Variants in RIN3 observed in about 807,000 individuals in gnomAD.
The protein encoded by RIN3 is Ras and Rab interactor 3, also known as RAB5 interacting protein 3.
In RIN3, 54 loss-of-function variants were observed where a neutral mutation model predicts 76.3. The ratio of observed to expected loss-of-function variants is 0.71; its 90% CI spans 0.57 to 0.89. The LOEUF (loss-of-function observed/expected upper bound fraction) is 0.89, where lower values mean the gene tolerates loss of function less well. Among genes scored for constraint, RIN3 ranks in the 40% least tolerant of loss-of-function variants. The pLI is 0.00. For missense variants in RIN3, 1,256 were observed against 1,322.1 expected, an observed-to-expected ratio of 0.95 and a Z score of 0.78; for synonymous variants, 576 against 564.0, an observed-to-expected ratio of 1.02 and a Z score of -0.30.
At chr14:92,641,935 A>T (rs1174944450) in intron 5 of RIN3, among the ~76,000 whole-genome samples, 2 of 152,210 alleles carry the variant, frequency 1.3e-5, no homozygotes, top group East Asian at 3.9e-4. Flanking sequence ...GGCGATGCCA[A>T]GTGCCCTACA....
At chr14:92,603,504 A>G (rs917404080) in intron 3 of RIN3, among the ~76,000 whole-genome samples, 66 of 152,168 alleles carry the variant, frequency 4.3e-4, no homozygotes, top group African/African-American at 1.5e-3. Context: ...TCTTCTCCTC[A>G]CCTGGCACTT....
chr14:92,570,659 CAA>C (rs11393617), intron 2 of RIN3, among the ~76,000 whole-genome samples: 1 of 144,906 alleles, frequency 6.9e-6, no homozygotes. Context: ...GAGACTGTCT[CAA>C]AAAAAAAAAA....
chr14:92,541,168 T>A lies in RIN3; in HGVS notation c.45-14583T>A, dbSNP rs895564995. Among the ~76,000 whole-genome samples the A allele has an allele frequency of 3.9e-5, 6 of 152,352 alleles. No individual in the cohort carries two copies. The South Asian group carries it at 6.2e-4, about 16-fold the overall frequency. ...ACAGTGTCATTTCCTTTATATCATA[T>A]CCATTCTTGTAATGGTTACAGCATT... On this transcript the variant is annotated intron_variant, in intron 1 of 9. Transcript: ENST00000216487.
intron 3 of RIN3, among the ~76,000 whole-genome samples, chr14:92,600,917 G>A (rs72697289): frequency 0.096 from 14,533 of 152,142 alleles, 1,067 homozygotes; most frequent in East Asian, 0.41. Flanking sequence ...ATCACCAAAT[G>A]TCCCCCTGGG....
rs1009950814 is a variant in RIN3 at position 92,682,320 on chromosome 14, G to A, written c.2468-2667G>A. On this transcript the variant is annotated intron_variant, in intron 8 of 9. Transcript: ENST00000216487. The stretch of plus-strand genomic sequence containing the variant: ...CCATATTGGTTGTAGAACTGGTGGA[G>A]ATGTGTGGGCCAGCTTCACCCAATG... 8.5e-5 allele frequency among the ~76,000 whole-genome samples: 13 copies of A among 152,286 alleles called. No homozygotes were observed. The East Asian group carries it at 2.5e-3, about 29-fold the overall frequency.
intron 1 of RIN3, among the ~76,000 whole-genome samples, chr14:92,518,769 A>G (rs6575264): frequency 0.17 from 24,349 of 140,620 alleles, 6,689 homozygotes; most frequent in African/African-American, 0.58. Context: ...CCACTGAGAA[A>G]CTGGGAAAAT....
At chr14:92,564,734 G>T (rs1203450097) in intron 2 of RIN3, among the ~76,000 whole-genome samples, 1 of 152,186 alleles carries the variant, frequency 6.6e-6, no homozygotes, top group Non-Finnish European at 1.5e-5. Context: ...CCAGCAGTTT[G>T]TACAATTGAT....
chr14:92,590,596 A>C (rs1196436398), intron 3 of RIN3, among the ~76,000 whole-genome samples: 1 of 152,218 alleles, frequency 6.6e-6, no homozygotes, highest in Non-Finnish European at 1.5e-5. Flanking sequence ...AAGCCTGCAG[A>C]ACCATGAGCC....
chr14:92,684,899 TGGA>T, intron 8 of RIN3, 85 bp from the exon 9 acceptor site: 2 of 1,397,140 alleles, frequency 1.4e-6, no homozygotes, highest in Non-Finnish European at 2.0e-6. Flanking sequence ...GGGCGGGGCT[TGGA>T]GGAGGTGGGT....
intron 3 of RIN3, among the ~76,000 whole-genome samples, chr14:92,579,194 C>T (rs969826086): frequency 1.3e-5 from 2 of 152,318 alleles, no homozygotes; most frequent in Admixed American, 1.3e-4. Context: ...TCCCTAAGTG[C>T]TGGGATTACA....
At chr14:92,529,513 G>A in intron 1 of RIN3, among the ~76,000 whole-genome samples, 1 of 152,176 alleles carries the variant, frequency 6.6e-6, no homozygotes, top group African/African-American at 2.4e-5. Flanking sequence ...CTCCCAAAGT[G>A]CTGGGATTAC....
At position 92,643,461 on chromosome 14, in the gene RIN3, C is replaced by T. The variant is rs1037016396; in HGVS notation, c.532+2132C>T. ...ATCAACTTGCTATTAAACTTTGCTT[C>T]CCAGAATGTTAGTTGTTGGGCTCCA... On this transcript the variant is annotated intron_variant, in intron 5 of 9. Coordinates refer to ENST00000216487, the MANE Select transcript of RIN3 (RefSeq NM_024832.5). The surrounding 1 kb of genome is among the most constrained non-coding windows in gnomAD (Gnocchi z 4.8). 1.5e-4 allele frequency among the ~76,000 whole-genome samples: 23 copies of T among 152,200 alleles called. No individual in the cohort carries two copies. Among genetic ancestry groups the T allele is most frequent in the African/African-American group, 5.3e-4 (22 of 41,450 alleles).
intron 1 of RIN3, among the ~76,000 whole-genome samples, chr14:92,538,568 G>A (rs8015844): frequency 0.39 from 59,192 of 151,948 alleles, 11,641 homozygotes; most frequent in Middle Eastern, 0.47. Context: ...TGCAAGTCAC[G>A]TGGCAGTGAA....
chr14:92,642,486 C>T (rs924451460), intron 5 of RIN3, among the ~76,000 whole-genome samples: 2 of 152,182 alleles, frequency 1.3e-5, no homozygotes, highest in Non-Finnish European at 2.9e-5. Context: ...CTGGGGCCGC[C>T]AGGTCACATT....
chr14:92,577,757 C>T (rs901584751), intron 3 of RIN3, among the ~76,000 whole-genome samples: 5 of 152,162 alleles, frequency 3.3e-5, no homozygotes, highest in South Asian at 2.1e-4. Flanking sequence ...AATGCAGGGA[C>T]GCTGGAGAAA....
At chr14:92,611,475 G>A (rs1885733876) in intron 3 of RIN3, among the ~76,000 whole-genome samples, 1 of 151,978 alleles carries the variant, frequency 6.6e-6, no homozygotes, top group Admixed American at 6.6e-5. Context: ...TGGCCAGTCT[G>A]GTCTCAGACT....
intron 4 of RIN3, among the ~76,000 whole-genome samples, chr14:92,626,678 G>A (rs1298777433): frequency 6.6e-6 from 1 of 152,182 alleles, no homozygotes; most frequent in Non-Finnish European, 1.5e-5. Flanking sequence ...AGGAATAATA[G>A]GAGTAGCAGA....
chr14:92,573,678 T>C (rs1898130699), intron 2 of RIN3, among the ~76,000 whole-genome samples: 1 of 152,224 alleles, frequency 6.6e-6, no homozygotes, highest in Non-Finnish European at 1.5e-5. Flanking sequence ...TTTTTGAAGC[T>C]CTGTGCCAGG....
intron 1 of RIN3, among the ~76,000 whole-genome samples, chr14:92,548,469 G>A (rs1897337756): frequency 6.6e-6 from 1 of 152,176 alleles, no homozygotes; most frequent in South Asian, 2.1e-4. Flanking sequence ...GCAGCTTAAA[G>A]CAGCAGAAAT....
Sources: allele counts gnomAD v4.1 joint callset (sites outside exome capture counted in the v4.1 genomes callset), GRCh38; gene constraint gnomAD v4.1.1; non-coding constraint Gnocchi (gnomAD v3.1); transcripts MANE v1.5; gene names NCBI Gene and HGNC (gene_info 2026-07-23, HGNC 2026-07-21).